The following FSTL5 variants were observed in gnomAD, a reference collection of about 807,000 sequenced individuals.
The protein encoded by FSTL5 is follistatin-related protein 5.
A neutral mutation model predicts 89.1 loss-of-function variants in FSTL5; 62 were observed. The observed-to-expected ratio is 0.70, with a 90% CI of 0.57 to 0.86. The LOEUF (loss-of-function observed/expected upper bound fraction) is 0.86. FSTL5 is among the 40% of genes least tolerant of loss of function. The pLI is 0.00. For synonymous variants in FSTL5, 383 were observed against 346.2 expected, an observed-to-expected ratio of 1.11 and a Z score of -1.18; for missense variants, 1,057 against 1,001.6, an observed-to-expected ratio of 1.06 and a Z score of -0.75.
At chr4:161,445,236 C>G (rs554100269) in intron 15 of FSTL5, among the ~76,000 whole-genome samples, 44 of 151,896 alleles carry the variant, frequency 2.9e-4, no homozygotes, top group Admixed American at 6.6e-4. Context: ...TTGGACCATA[C>G]GAATAAATGG....
At chr4:161,526,232 C>T (rs933500380) in intron 10 of FSTL5, among the ~76,000 whole-genome samples, 1 of 152,078 alleles carries the variant, frequency 6.6e-6, no homozygotes, top group Non-Finnish European at 1.5e-5. Flanking sequence ...CACACAGAAT[C>T]CTTACTTTAT....
chr4:161,964,642 C>T (rs763463571), intron 3 of FSTL5, among the ~76,000 whole-genome samples: 9 of 151,730 alleles, frequency 5.9e-5, no homozygotes, highest in Non-Finnish European at 2.9e-5. Flanking sequence ...GATTTTTGGT[C>T]GGTTTATGGT....
chr4:162,136,276 A>G (rs1046210667), intron 1 of FSTL5, among the ~76,000 whole-genome samples: 1 of 152,124 alleles, frequency 6.6e-6, no homozygotes, highest in Non-Finnish European at 1.5e-5. Context: ...AGGAATAGTC[A>G]TACCGAAGTG....
intron 2 of FSTL5, chr4:162,043,107 A>C: frequency 6.6e-6 from 1 of 152,152 alleles, no homozygotes; most frequent in East Asian, 1.9e-4. Flanking sequence ...AAAAAAAACA[A>C]AACAAACAAC....
chr4:161,975,455 G>C (rs1471180548), intron 3 of FSTL5, among the ~76,000 whole-genome samples: 1 of 150,954 alleles, frequency 6.6e-6, no homozygotes, highest in African/African-American at 2.4e-5. Context: ...CCTTTGTAGG[G>C]ACATGGATGA....
chr4:161,847,224 C>A (rs1731398915), intron 4 of FSTL5, among the ~76,000 whole-genome samples: 1 of 151,964 alleles, frequency 6.6e-6, no homozygotes, highest in African/African-American at 2.4e-5. Flanking sequence ...AAAGTTTGAT[C>A]CAAAGTTTTA....
chr4:161,390,564 G>A (rs969763112), intron 15 of FSTL5, among the ~76,000 whole-genome samples: 2 of 151,974 alleles, frequency 1.3e-5, no homozygotes, highest in Non-Finnish European at 2.9e-5. Flanking sequence ...TCATAAAACA[G>A]GGTTCCAGGC....
intron 7 of FSTL5, among the ~76,000 whole-genome samples, chr4:161,594,156 A>G (rs10028311): frequency 0.76 from 115,408 of 151,872 alleles, 44,070 homozygotes; most frequent in East Asian, 0.93. Context: ...AGACATAAAC[A>G]CAGGGCAAGA....
chr4:161,479,641 A>T (rs1164745550), intron 13 of FSTL5, among the ~76,000 whole-genome samples: 2 of 152,100 alleles, frequency 1.3e-5, no homozygotes, highest in South Asian at 4.1e-4. Flanking sequence ...ATACAGCAAA[A>T]TTTTTTCTCA....
intron 10 of FSTL5, among the ~76,000 whole-genome samples, chr4:161,513,318 A>AGAG (rs35013103): frequency 0.13 from 15,447 of 123,168 alleles, 1,688 homozygotes; most frequent in East Asian, 0.3. Context: ...AGACAGAGGA[A>AGAG]GAGGAGGAGG....
chr4:161,905,195 T>C (rs1018553281), intron 4 of FSTL5, among the ~76,000 whole-genome samples: 2 of 152,174 alleles, frequency 1.3e-5, no homozygotes, highest in Admixed American at 6.6e-5. Context: ...TTTATAGATG[T>C]TCTTTCACAT....
intron 3 of FSTL5, among the ~76,000 whole-genome samples, chr4:161,944,879 T>G (rs952633766): frequency 4.0e-5 from 6 of 151,612 alleles, no homozygotes; most frequent in Non-Finnish European, 8.8e-5. Context: ...TATTAAAATA[T>G]AATAATTTAG....
Position 162,092,321 on chromosome 4 carries a change from C to T in FSTL5, c.126+18950G>A, listed in dbSNP as rs116489243. Among the ~76,000 whole-genome samples, 181 of 152,116 alleles carry T rather than the reference C, an allele frequency of 1.2e-3. 1 individual carries two copies. Among genetic ancestry groups the T allele is most frequent in the African/African-American group, 4.0e-3 (168 of 41,484 alleles). ...TCATTATACACCTGGAATTCCTTCA[C>T]GAAATATTCTTAAATCATTAAAAAG... is the stretch of plus-strand genomic sequence containing the variant. On this transcript the variant is annotated intron_variant, in intron 2 of 15. Transcript: ENST00000306100.
rs1043425578 is a variant in FSTL5, at chr4:161,384,352, T to C, written c.*1395A>G. The C allele has an allele frequency of 2.6e-5, 4 of 152,138 alleles. No homozygotes were observed. Among genetic ancestry groups the C allele is most frequent in the Admixed American group, 6.5e-5 (1 of 15,270 alleles). The allele number at this position is 152,138 out of a possible 1,614,324, so 9.4% of individuals were successfully genotyped here. ...TTGCAACAATAAAAACAAAAATAAG[T>C]ACAAGGATTTTCAAAACATGTAAGC... On this transcript the variant is annotated 3_prime_UTR_variant, in exon 16 of 16. Transcript: ENST00000306100.
At chr4:161,803,282 A>C (rs927515908) in intron 4 of FSTL5, among the ~76,000 whole-genome samples, 1 of 151,980 alleles carries the variant, frequency 6.6e-6, no homozygotes, top group African/African-American at 2.4e-5. Flanking sequence ...TCAAGCATCT[A>C]CAAGTTCTTG....
intron 4 of FSTL5, among the ~76,000 whole-genome samples, chr4:161,799,181 C>T (rs990496476): frequency 2.0e-5 from 3 of 151,530 alleles, no homozygotes; most frequent in South Asian, 2.1e-4. Flanking sequence ...CTGGTTCGTG[C>T]ATTTTTGAAA....
At chr4:162,039,325 T>C (rs1171652217) in intron 2 of FSTL5, among the ~76,000 whole-genome samples, 2 of 151,780 alleles carry the variant, frequency 1.3e-5, no homozygotes, top group Admixed American at 6.6e-5. Context: ...TTTTTCCTGA[T>C]CCCCATGTGA....
At chr4:161,458,164 C>A (rs1733431264) in intron 14 of FSTL5, among the ~76,000 whole-genome samples, 1 of 152,202 alleles carries the variant, frequency 6.6e-6, no homozygotes, top group South Asian at 2.1e-4. Context: ...TATCAGGTAA[C>A]TGGAGCCCAT....
chr4:161,705,775 A>T lies in FSTL5; in HGVS notation c.728-49281T>A, dbSNP rs766051051. Reference sequence around the variant, plus strand: ...GGTACAGAAAATACTTCATCATTATAAAATATTTTAAAATAGTTACTATAA... The same window carrying T: ...GGTACAGAAAATACTTCATCATTATTAAATATTTTAAAATAGTTACTATAA... On this transcript the variant is annotated intron_variant, in intron 6 of 15. Coordinates refer to ENST00000306100, the MANE Select transcript of FSTL5 (RefSeq NM_020116.5). 2.0e-5 allele frequency among the ~76,000 whole-genome samples: 3 copies of T among 150,726 alleles called. No homozygotes were observed. In the East Asian group the frequency reaches 5.9e-4, roughly 30 times the overall value.
Sources: gnomAD v4.1 joint callset for allele counts (sites outside exome capture counted in the v4.1 genomes callset) on GRCh38, gnomAD v4.1.1 for gene constraint, MANE v1.5 for transcripts, NCBI Gene and HGNC (gene_info 2026-07-23, HGNC 2026-07-21) for gene names.